The following AKR1B15 variants were observed in gnomAD, a reference collection of about 807,000 sequenced individuals.
The protein encoded by AKR1B15 is aldo-keto reductase family 1 member B15.
AKR1B15 carries 49 observed loss-of-function variants against 38.5 expected under a neutral mutation model. The ratio of observed to expected loss-of-function variants is 1.27; its 90% CI spans 1.01 to 1.62. AKR1B15 has a LOEUF of 1.62. AKR1B15 is among the 40% of genes most tolerant of loss of function. The pLI, the probability that AKR1B15 is intolerant of heterozygous loss-of-function variation, is 0.00. For missense variants in AKR1B15, 411 were observed against 381.6 expected (o/e 1.08, Z -0.64); for synonymous variants, 137 against 135.5 (o/e 1.01, Z -0.08).
chr7:134,562,827 C>T (rs866285720), intron 2 of AKR1B15, among the ~76,000 whole-genome samples: 16 of 138,316 alleles, frequency 1.2e-4, no homozygotes, highest in African/African-American at 1.6e-4. Context: ...TTCCTTCCTT[C>T]CTTTCTCTTT....
chr7:134,562,431 C>A (rs113329075), intron 2 of AKR1B15, among the ~76,000 whole-genome samples: 2 of 150,888 alleles, frequency 1.3e-5, no homozygotes, highest in African/African-American at 4.8e-5. Context: ...GCTGATTGGT[C>A]CATTTTACAG....
chr7:134,565,136 A>G, intron 3 of AKR1B15: 1 of 337,614 alleles, frequency 3.0e-6, no homozygotes, highest in South Asian at 4.5e-5. Context: ...ATACCCTTCC[A>G]CACCGTGGAA....
At chr7:134,577,562 A>G (rs1277420347) in intron 10 of AKR1B15, 142 bp from the exon 11 acceptor site, 1 of 893,468 alleles carries the variant, frequency 1.1e-6, no homozygotes, top group Non-Finnish European at 1.7e-6. Context: ...AAAAATTTGT[A>G]TCCCTTGGAC....
chr7:134,579,140 G>T (rs1328598747), intron 11 of AKR1B15, among the ~76,000 whole-genome samples: 12 of 152,128 alleles, frequency 7.9e-5, no homozygotes, highest in Middle Eastern at 6.3e-3. Flanking sequence ...TTTTCCGGTG[G>T]TATTATCTCA....
intron 7 of AKR1B15, 79 bp from the exon 8 acceptor site, chr7:134,575,742 T>C: frequency 6.3e-7 from 1 of 1,593,876 alleles, no homozygotes; most frequent in East Asian, 2.2e-5. Flanking sequence ...TGGTGGACTT[T>C]TTTTGTGTGT....
At chr7:134,561,114 T>C (rs1036925364) in intron 2 of AKR1B15, among the ~76,000 whole-genome samples, 1 of 152,206 alleles carries the variant, frequency 6.6e-6, no homozygotes, top group Non-Finnish European at 1.5e-5. Context: ...ATTTCAACAA[T>C]ACTAGCACTG....
rs566122434 is a variant in AKR1B15, at chr7:134,554,253, G to C, written c.-146-2483G>C. On this transcript the variant is annotated intron_variant, in intron 1 of 11. Coordinates refer to ENST00000457545, the MANE Select transcript of AKR1B15 (RefSeq NM_001080538.3). ...AAGAGCAGACTCTGCAGCTTGAGAG[G>C]CAGCTCAGCTCCTGGTCGTGCCTTT... is the stretch of plus-strand genomic sequence containing the variant. Among the ~76,000 whole-genome samples the C allele has an allele frequency of 4.6e-5, 7 of 152,252 alleles. No homozygotes were observed. In the East Asian group the frequency reaches 1.4e-3, roughly 29 times the overall value.
At chr7:134,563,056 A>G (rs1794456762) in intron 2 of AKR1B15, among the ~76,000 whole-genome samples, 2 of 150,252 alleles carry the variant, frequency 1.3e-5, no homozygotes, top group African/African-American at 4.9e-5. Flanking sequence ...CTACTTTCCA[A>G]CTTTGGGCTG....
intron 1 of AKR1B15, among the ~76,000 whole-genome samples, chr7:134,555,995 A>G (rs1272270646): frequency 6.6e-6 from 1 of 152,186 alleles, no homozygotes; most frequent in Non-Finnish European, 1.5e-5. Flanking sequence ...ACTATAGGAA[A>G]TTGTAATCCT....
chr7:134,568,003 A>T (rs886704012), intron 3 of AKR1B15, among the ~76,000 whole-genome samples, 155 bp from the exon 4 acceptor site: 1 of 152,110 alleles, frequency 6.6e-6, no homozygotes, highest in Admixed American at 6.6e-5. Flanking sequence ...GGATAAGAGA[A>T]TATGGTGGTT....
At chr7:134,558,663 C>T (rs193108405) in intron 2 of AKR1B15, among the ~76,000 whole-genome samples, 7 of 152,246 alleles carry the variant, frequency 4.6e-5, no homozygotes, top group East Asian at 3.9e-4. Flanking sequence ...GTTAAGAATC[C>T]GGACTGCCCC....
At chr7:134,560,811 T>C (rs1437283401) in intron 2 of AKR1B15, among the ~76,000 whole-genome samples, 4 of 152,140 alleles carry the variant, frequency 2.6e-5, no homozygotes, top group Non-Finnish European at 4.4e-5. Flanking sequence ...GCAAAGGCCA[T>C]TCCAACTGAA....
intron 1 of AKR1B15, among the ~76,000 whole-genome samples, chr7:134,554,019 T>C (rs1794096214): frequency 6.6e-6 from 1 of 152,198 alleles, no homozygotes; most frequent in Non-Finnish European, 1.5e-5. Flanking sequence ...TATTAACATC[T>C]ACACTGACAG....
In AKR1B15 at chr7:134,569,517, AC is replaced by A; in HGVS notation, c.424del (p.Gln142ArgfsTer18). ...YLDVYLIHWP[Q>X]GFKTGDDFFP... ...TGGACGTCTATCTTATTCACTGGCC[AC>A]AGGGATTCAAGGTTTGAGTGACTCC... On this transcript the variant is annotated frameshift_variant, in exon 5 of 12. Transcript: ENST00000457545. LOFTEE classifies it high-confidence loss of function. 3 of 1,614,082 alleles carry A rather than the reference AC, an allele frequency of 1.9e-6. No homozygotes were observed. The South Asian group carries it at 3.3e-5, about 18-fold the overall frequency.
At chr7:134,563,120 C>T (rs1161030394) in intron 2 of AKR1B15, among the ~76,000 whole-genome samples, 3 of 152,016 alleles carry the variant, frequency 2.0e-5, no homozygotes, top group Admixed American at 2.0e-4. Flanking sequence ...GATACTGTTA[C>T]CCAAGAGAAC....
chr7:134,561,298 C>G (rs1473623794), intron 2 of AKR1B15, among the ~76,000 whole-genome samples: 1 of 152,174 alleles, frequency 6.6e-6, no homozygotes, highest in Non-Finnish European at 1.5e-5. Flanking sequence ...ACTGCAATCT[C>G]CACCTCCTAG....
intron 5 of AKR1B15, chr7:134,569,759 A>G (rs940403300): frequency 1.5e-5 from 7 of 456,756 alleles, no homozygotes; most frequent in South Asian, 5.1e-5. Context: ...CACTTCCCCA[A>G]TCAGTACTTT....
At position 134,574,866 on chromosome 7, in the gene AKR1B15, G is replaced by A. The variant is rs1965691; in HGVS notation, c.514-554G>A. ...CGTGGCCGGGTGCCCCTGCTAGGGC[G>A]TAATTTATATGCATGACCTTCTTGC... On this transcript the variant is annotated intron_variant, in intron 6 of 11. Transcript: ENST00000457545. Among the ~76,000 whole-genome samples, 906 of 152,322 alleles carry A rather than the reference G, an allele frequency of 5.9e-3. 8 individuals are homozygous for A. Among genetic ancestry groups the A allele is most frequent in the African/African-American group, 0.021 (855 of 41,580 alleles).
At chr7:134,562,667 G>C (rs1293463676) in intron 2 of AKR1B15, among the ~76,000 whole-genome samples, 3 of 151,944 alleles carry the variant, frequency 2.0e-5, no homozygotes, top group Non-Finnish European at 2.9e-5. Context: ...AAATTTCTCC[G>C]AGTCCCCACC....
Sources: gnomAD v4.1 joint callset for allele counts (sites outside exome capture counted in the v4.1 genomes callset) on GRCh38, gnomAD v4.1.1 for gene constraint, MANE v1.5 for transcripts, NCBI Gene and HGNC (gene_info 2026-07-23, HGNC 2026-07-21) for gene names.